EXOC4: variants seen among roughly 807,000 people sequenced by gnomAD.
EXOC4 encodes the protein SEC8-like 1.
A neutral mutation model predicts 107.2 loss-of-function variants in EXOC4; 71 were observed. That is an observed-to-expected ratio of 0.66 (90% CI 0.55 to 0.81). The LOEUF (loss-of-function observed/expected upper bound fraction) is 0.81. EXOC4 is among the 30% of genes least tolerant of loss of function. EXOC4 has a pLI of 0.00. For missense variants in EXOC4, 1,108 were observed against 1,189.6 expected (o/e 0.93, Z 1.01); for synonymous variants, 456 against 441.2 (o/e 1.03, Z -0.42).
Position 133,465,530 on chromosome 7 carries a change from T to A in EXOC4, c.1183-9798T>A, listed in dbSNP as rs114491663. ...AATACAGAGAAGACTTGAGCAACAC[T>A]ATTAACCACCCTGATTTAAACTGAC... On this transcript the variant is annotated intron_variant, in intron 7 of 17. Coordinates refer to ENST00000253861, the MANE Select transcript of EXOC4 (RefSeq NM_021807.4). Among the ~76,000 whole-genome samples the A allele has an allele frequency of 2.4e-3, 363 of 152,278 alleles. 5 individuals carry two copies. Among genetic ancestry groups the A allele is most frequent in the African/African-American group, 8.2e-3 (339 of 41,560 alleles).
chr7:133,806,233 G>A (rs1450292802), intron 10 of EXOC4, among the ~76,000 whole-genome samples: 1 of 152,198 alleles, frequency 6.6e-6, no homozygotes, highest in Non-Finnish European at 1.5e-5. Context: ...TGCATGAGTA[G>A]CAAGGCTGAA....
chr7:134,051,522 A>G (rs145285265), intron 17 of EXOC4, among the ~76,000 whole-genome samples: 2,355 of 152,134 alleles, frequency 0.015, 66 homozygotes, highest in African/African-American at 0.053. Context: ...AATACAAAAA[A>G]TTAGCTGGGT....
intron 9 of EXOC4, among the ~76,000 whole-genome samples, chr7:133,538,887 G>GGGAGGGAAGGAA: frequency 6.8e-6 from 1 of 147,106 alleles, no homozygotes; most frequent in Non-Finnish European, 1.5e-5. Flanking sequence ...GAGAGAGGGA[G>GGGAGGGAAGGAA]GGAGGGAGGG....
Position 133,614,702 on chromosome 7 carries a change from A to G in EXOC4, c.1418-15343A>G, listed in dbSNP as rs187583407. 8.2e-5 allele frequency among the ~76,000 whole-genome samples: 12 copies of G among 146,814 alleles called. No individual in the cohort carries two copies. The East Asian group carries it at 2.1e-3, about 26-fold the overall frequency. On this transcript the variant is annotated intron_variant, in intron 9 of 17. Transcript: ENST00000253861. ...CAAACCCAAAGTGAATTCTTGTTGG[A>G]GAAAACTGTGTTCAGATATTGTGCA...
At chr7:133,701,997 C>CTTTTTTTTTTT (rs71162021) in intron 10 of EXOC4, among the ~76,000 whole-genome samples, 41 of 66,518 alleles carry the variant, frequency 6.2e-4, no homozygotes, top group East Asian at 9.8e-4. Context: ...TTCTTTCTTT[C>CTTTTTTTTTTT]TTTTTTTTTT....
chr7:133,672,025 A>T (rs1793957834), intron 10 of EXOC4, among the ~76,000 whole-genome samples: 1 of 152,186 alleles, frequency 6.6e-6, no homozygotes, highest in South Asian at 2.1e-4. Flanking sequence ...TTCTACCATG[A>T]TGGAAATGTT....
At chr7:133,381,107 T>C (rs565453887) in intron 7 of EXOC4, among the ~76,000 whole-genome samples, 2 of 152,298 alleles carry the variant, frequency 1.3e-5, no homozygotes, top group East Asian at 1.9e-4. Flanking sequence ...TATTGCCCTA[T>C]AAATTTGAGC....
chr7:134,033,814 G>A (rs764275837), intron 17 of EXOC4, among the ~76,000 whole-genome samples: 9 of 152,122 alleles, frequency 5.9e-5, no homozygotes, highest in African/African-American at 1.4e-4. Context: ...AAGTCAGCTG[G>A]TATCAGACTT....
intron 14 of EXOC4, among the ~76,000 whole-genome samples, chr7:133,977,831 T>G (rs941419531): frequency 6.6e-6 from 1 of 151,976 alleles, no homozygotes; most frequent in Non-Finnish European, 1.5e-5. Context: ...CTGAATTGGG[T>G]AACAAATCAA....
At chr7:133,596,038 C>G (rs1306548537) in intron 9 of EXOC4, among the ~76,000 whole-genome samples, 1 of 152,176 alleles carries the variant, frequency 6.6e-6, no homozygotes, top group Non-Finnish European at 1.5e-5. Flanking sequence ...AACATGCTAT[C>G]TTTGTATGAT....
chr7:134,081,652 A>G, the EXOC4 span, among the ~76,000 whole-genome samples: 1 of 152,176 alleles, frequency 6.6e-6, no homozygotes, highest in Non-Finnish European at 1.5e-5. Context: ...GGACGTGATC[A>G]TTGGTTGAAT....
chr7:133,629,334 A>G (rs902684408), intron 9 of EXOC4, among the ~76,000 whole-genome samples: 7 of 152,162 alleles, frequency 4.6e-5, no homozygotes, highest in Non-Finnish European at 7.4e-5. Context: ...ACATGCAGCA[A>G]CTTTGAATGG....
At chr7:133,539,831 T>A (rs1800345346) in intron 9 of EXOC4, among the ~76,000 whole-genome samples, 1 of 152,142 alleles carries the variant, frequency 6.6e-6, no homozygotes, top group African/African-American at 2.4e-5. Flanking sequence ...CTGTGAAGTT[T>A]ATGAATCCCT....
intron 7 of EXOC4, among the ~76,000 whole-genome samples, chr7:133,462,939 T>C (rs564734378): frequency 4.6e-5 from 7 of 152,110 alleles, no homozygotes; most frequent in Non-Finnish European, 1.0e-4. Flanking sequence ...GATAGAGGTT[T>C]ATTTATTTTG....
intron 9 of EXOC4, among the ~76,000 whole-genome samples, chr7:133,540,189 C>T (rs1204865221): frequency 6.6e-6 from 1 of 152,158 alleles, no homozygotes; most frequent in Non-Finnish European, 1.5e-5. Flanking sequence ...TTCACTAATG[C>T]AATTGCTTAT....
intron 9 of EXOC4, among the ~76,000 whole-genome samples, chr7:133,583,202 C>A (rs975521608): frequency 2.0e-5 from 3 of 152,066 alleles, no homozygotes; most frequent in Admixed American, 1.3e-4. Flanking sequence ...GAGATCTTGC[C>A]TACTTTTTTT....
intron 2 of EXOC4, among the ~76,000 whole-genome samples, chr7:133,284,055 C>G (rs1207408332): frequency 6.6e-6 from 1 of 152,166 alleles, no homozygotes; most frequent in African/African-American, 2.4e-5. Flanking sequence ...TTTGTTACCT[C>G]GGTTTAGAGA....
At chr7:133,464,244 C>G (rs777049107) in intron 7 of EXOC4, among the ~76,000 whole-genome samples, 1 of 152,180 alleles carries the variant, frequency 6.6e-6, no homozygotes, top group Non-Finnish European at 1.5e-5. Flanking sequence ...TAAACGTGTG[C>G]TTCTATGAAG....
intron 10 of EXOC4, among the ~76,000 whole-genome samples, chr7:133,687,185 C>T (rs934334295): frequency 1.3e-5 from 2 of 151,726 alleles, no homozygotes; most frequent in African/African-American, 4.8e-5. Flanking sequence ...AGTTCTTACT[C>T]AAAAATGGGA....
Sources: gnomAD v4.1 joint callset for allele counts (sites outside exome capture counted in the v4.1 genomes callset) on GRCh38, gnomAD v4.1.1 for gene constraint, MANE v1.5 for transcripts, NCBI Gene and HGNC (gene_info 2026-07-23, HGNC 2026-07-21) for gene names.